Variants in CTTN observed in about 807,000 individuals in gnomAD.
The protein encoded by CTTN is src substrate cortactin.
A neutral mutation model predicts 84.0 loss-of-function variants in CTTN; 28 were observed. The observed-to-expected ratio is 0.33, with a 90% CI of 0.25 to 0.46. CTTN has a LOEUF of 0.46. CTTN is among the 20% of genes least tolerant of loss of function. The probability of loss-of-function intolerance (pLI) is 1.00; values close to 1 mark genes in which losing one functional copy is unlikely to be tolerated. For missense variants in CTTN, 641 were observed against 723.8 expected (o/e 0.89, Z 1.31); for synonymous variants, 301 against 288.8 (o/e 1.04, Z -0.43).
At chr11:70,410,172 T>TGGAGCACGG in intron 5 of CTTN, 1 of 508,684 alleles carries the variant, frequency 2.0e-6, no homozygotes, top group Non-Finnish European at 3.5e-6. Context: ...TCAGAGGTGC[T>TGGAGCACGG]GGAGCACGGG....
Position 70,436,323 on chromosome 11 carries a change from T to C in CTTN, c.*1161T>C, listed in dbSNP as rs769365803. On this transcript the variant is annotated 3_prime_UTR_variant, in exon 18 of 18. Coordinates refer to ENST00000301843, the MANE Select transcript of CTTN (RefSeq NM_005231.4). ...CTGAGGAGCCGGGAGGCTGGACCAG[T>C]CCCGTCGTGCAGTCAGGTGGGCGGT... 5 of 1,598,260 alleles carry C rather than the reference T, an allele frequency of 3.1e-6. No individual in the cohort carries two copies. Among genetic ancestry groups the C allele is most frequent in the Non-Finnish European group, 4.2e-6 (5 of 1,179,768 alleles).
At chr11:70,432,902 A>G (rs573466486) in intron 15 of CTTN, among the ~76,000 whole-genome samples, 199 bp from the exon 16 acceptor site, 2 of 152,228 alleles carry the variant, frequency 1.3e-5, no homozygotes, top group African/African-American at 4.8e-5. Flanking sequence ...ATCATCGGGA[A>G]GGAAATGGCA....
intron 15 of CTTN, 112 bp from the exon 16 acceptor site, chr11:70,432,989 C>A: frequency 8.5e-7 from 1 of 1,176,016 alleles, no homozygotes; most frequent in Non-Finnish European, 1.2e-6. Flanking sequence ...TCAGTCCTGG[C>A]TGGGACTGAG....
chr11:70,420,134 T>G (rs957637538), intron 9 of CTTN: 1 of 596,916 alleles, frequency 1.7e-6, no homozygotes, highest in Admixed American at 3.1e-5. Context: ...TGCTGTCTCA[T>G]GGTGCGGGTG....
chr11:70,407,469 C>CT, intron 3 of CTTN, 49 bp from the exon 4 acceptor site: 1 of 1,611,668 alleles, frequency 6.2e-7, no homozygotes, highest in Non-Finnish European at 8.5e-7. Flanking sequence ...GGTGGTTTGT[C>CT]TGTGTCACAA....
At chr11:70,400,417 G>T (rs183642014) in intron 1 of CTTN, among the ~76,000 whole-genome samples, 19 of 152,066 alleles carry the variant, frequency 1.2e-4, no homozygotes, top group African/African-American at 4.3e-4. Flanking sequence ...GAGCTCGATC[G>T]CACCACTGTA....
At chr11:70,414,478 G>T in intron 5 of CTTN, 64 bp from the exon 6 acceptor site, 3 of 1,222,770 alleles carry the variant, frequency 2.5e-6, no homozygotes, top group South Asian at 1.3e-5. Flanking sequence ...GCCCTGCTCT[G>T]GGAGGAAGTG....
At position 70,433,090 on chromosome 11, in the gene CTTN, C is replaced by T. The variant is rs771949055; in HGVS notation, c.1267-11C>T. The T allele has an allele frequency of 1.9e-6, 3 of 1,612,434 alleles. No individual in the cohort carries two copies. The highest frequency in any genetic ancestry group is 4.5e-5 in the East Asian group (2 of 44,854). Reference sequence around the variant, plus strand: ...TGGGCCCCGTGCCATGTGCGTGTGACCCTTCCCCAGGATGCGGCTTCCTTC... The same window carrying T: ...TGGGCCCCGTGCCATGTGCGTGTGATCCTTCCCCAGGATGCGGCTTCCTTC... On this transcript the variant is annotated splice_polypyrimidine_tract_variant and intron_variant, in intron 15 of 17. Transcript: ENST00000301843.
At chr11:70,407,673 G>C in intron 4 of CTTN, 82 bp downstream of exon 4, 1 of 1,315,096 alleles carries the variant, frequency 7.6e-7, no homozygotes. Flanking sequence ...GTCATCTGTG[G>C]AGGGACAGCC....
Position 70,435,176 on chromosome 11 carries a change from C to CA in CTTN, c.*14_*15insA. On this transcript the variant is annotated 3_prime_UTR_variant, in exon 18 of 18. Coordinates refer to ENST00000301843, the MANE Select transcript of CTTN (RefSeq NM_005231.4). ...CTGCGGCAGTAGGGCCCCCAGCCCC[C>CA]CCCCGGAGCTGCGCCCTGGATCCTC... 1 of 1,600,258 alleles carries CA rather than the reference C, an allele frequency of 6.2e-7. No individual in the cohort carries two copies. Among genetic ancestry groups the CA allele is most frequent in the Non-Finnish European group, 8.5e-7 (1 of 1,174,708 alleles).
chr11:70,435,895 C>A lies in CTTN; in HGVS notation c.*733C>A, dbSNP rs1255372130. 6.8e-7 allele frequency: 1 copy of A among 1,480,708 alleles called. No homozygotes were observed. Among genetic ancestry groups the A allele is most frequent in the Non-Finnish European group, 8.9e-7 (1 of 1,125,502 alleles). 91.7% of individuals were successfully genotyped at this position (1,480,708 alleles called of 1,614,324 possible). On this transcript the variant is annotated 3_prime_UTR_variant, in exon 18 of 18. Coordinates refer to ENST00000301843, the MANE Select transcript of CTTN (RefSeq NM_005231.4). ...AGTGTCACTGAGTCCTTGAAATCCT[C>A]CCCTGCCCCGCGGGTCTCTGGATTG...
intron 13 of CTTN, among the ~76,000 whole-genome samples, chr11:70,428,070 A>G (rs1210973309): frequency 6.7e-6 from 1 of 149,998 alleles, no homozygotes; most frequent in Admixed American, 6.7e-5. Flanking sequence ...TGCAGCTCTC[A>G]TGGTTCTATT....
At chr11:70,412,550 A>G (rs1405598216) in intron 5 of CTTN, among the ~76,000 whole-genome samples, 2 of 152,240 alleles carry the variant, frequency 1.3e-5, no homozygotes, top group Non-Finnish European at 2.9e-5. Flanking sequence ...GACTTGAGGA[A>G]TATGTGCTAG....
Position 70,419,817 on chromosome 11 carries a change from G to A in CTTN, c.640G>A (p.Glu214Lys). The change falls in exon 9 of 18, where the codon GAG (glutamate) becomes AAG (lysine). Residue 214 changes from glutamate to lysine, a missense_variant. By Grantham distance (56) the Glu-to-Lys change is moderately conservative (BLOSUM62 1). Around this residue, in one of 3 missense-constraint regions of CTTN, gnomAD observed 284 missense variants for 348.4 expected, o/e 0.82. Coordinates refer to ENST00000301843, the MANE Select transcript of CTTN (RefSeq NM_005231.4). ...AGTGGATAAGAGCGCCGTTGGCTTT[G>A]AGTATCAAGGCAAAACGGAGAAGCA... ...DKVDKSAVGFEYQGKTEKHES... is the reference protein window; with the variant it reads ...DKVDKSAVGFKYQGKTEKHES... 6.2e-7 allele frequency: 1 copy of A among 1,613,544 alleles called. No individual in the cohort carries two copies. Among genetic ancestry groups the A allele is most frequent in the Non-Finnish European group, 8.5e-7 (1 of 1,179,922 alleles).
intron 4 of CTTN, among the ~76,000 whole-genome samples, 168 bp from the exon 5 acceptor site, chr11:70,409,663 G>A (rs2058078288): frequency 2.0e-5 from 3 of 152,194 alleles, no homozygotes; most frequent in African/African-American, 4.8e-5. Flanking sequence ...TGTACCAGCC[G>A]GCAGAATAGT....
intron 7 of CTTN, 35 bp downstream of exon 7, chr11:70,415,752 G>C (rs761498150): frequency 2.5e-6 from 4 of 1,609,490 alleles, no homozygotes; most frequent in Non-Finnish European, 3.4e-6. Flanking sequence ...AGCCCGCTCC[G>C]GGGGCCCCGA....
At position 70,406,546 on chromosome 11, in the gene CTTN, T is replaced by G. The variant is rs1374621111; in HGVS notation, c.1-752T>G. Among the ~76,000 whole-genome samples the G allele has an allele frequency of 4.6e-5, 7 of 152,222 alleles. No homozygotes were observed. The South Asian group carries it at 6.2e-4, about 14-fold the overall frequency. ...GAAAAAAAAAAAAAAACCTTAAAAT[T>G]TTATATTTTACCACTGCAGTTACAA... On this transcript the variant is annotated intron_variant, in intron 2 of 17. Coordinates refer to ENST00000301843, the MANE Select transcript of CTTN (RefSeq NM_005231.4).
chr11:70,431,358 C>T, intron 15 of CTTN, 78 bp downstream of exon 15: 1 of 1,448,360 alleles, frequency 6.9e-7, no homozygotes, highest in Non-Finnish European at 9.7e-7. Context: ...GTGGAGGAAG[C>T]CCTTGCAGGC....
At position 70,421,526 on chromosome 11, in the gene CTTN, G is replaced by A. The variant is rs2058236293; in HGVS notation, c.847G>A (p.Ala283Thr). 11 of 1,614,102 alleles carry A rather than the reference G, an allele frequency of 6.8e-6. No individual in the cohort carries two copies. Among genetic ancestry groups the A allele is most frequent in the African/African-American group, 1.3e-5 (1 of 75,012 alleles). The change falls in exon 11 of 18, where the codon GCT (alanine) becomes ACT (threonine). Residue 283 changes from alanine to threonine, a missense_variant. This residue lies in a region of CTTN where 289 missense variants were observed against 273.1 expected (regional missense o/e 1.06). Transcript: ENST00000301843. ...TGTTCAGTCGGAGAGGCAGGACTCC[G>A]CTGCTGTGGGGTTTGATTACAAGGA... is the stretch of plus-strand genomic sequence containing the variant. ...FGVQSERQDS[A>T]AVGFDYKEKL...
Sources: allele counts gnomAD v4.1 joint callset (sites outside exome capture counted in the v4.1 genomes callset), GRCh38; gene constraint gnomAD v4.1.1; regional missense constraint gnomAD v4.1.1; transcripts MANE v1.5; gene names NCBI Gene and HGNC (gene_info 2026-07-23, HGNC 2026-07-21).